DEUP1: variants seen among roughly 807,000 people sequenced by gnomAD.
DEUP1 encodes deuterosome assembly protein 1, also known as coiled-coil domain containing 67.
A neutral mutation model predicts 87.4 loss-of-function variants in DEUP1; 82 were observed. The ratio of observed to expected loss-of-function variants is 0.94; its 90% confidence interval spans 0.78 to 1.13. DEUP1 has a LOEUF of 1.13. DEUP1 is among the 50% of genes most tolerant of loss of function. The pLI is 0.00. For synonymous variants in DEUP1, 214 were observed against 222.7 expected (o/e 0.96, Z 0.35); for missense variants, 663 against 681.5 (o/e 0.97, Z 0.30).
chr11:93,376,220 A>G (rs1020387595), intron 7 of DEUP1, among the ~76,000 whole-genome samples: 2 of 152,172 alleles, frequency 1.3e-5, no homozygotes, highest in African/African-American at 4.8e-5. Context: ...CTGGCATTAC[A>G]GGCATGAGCC....
intron 6 of DEUP1, 114 bp downstream of exon 6, chr11:93,370,300 G>T: frequency 1.7e-6 from 1 of 579,470 alleles, no homozygotes; most frequent in Non-Finnish European, 3.0e-6. Flanking sequence ...AAAAACGAGA[G>T]TAGGTCCAAA....
At chr11:93,389,928 A>G (rs1235890953) in intron 9 of DEUP1, among the ~76,000 whole-genome samples, 1 of 152,260 alleles carries the variant, frequency 6.6e-6, no homozygotes, top group Non-Finnish European at 1.5e-5. Context: ...TGCTGGAGCT[A>G]GAAATACAAG....
chr11:93,348,368 CT>C (rs1443830596), intron 2 of DEUP1, among the ~76,000 whole-genome samples: 2 of 151,902 alleles, frequency 1.3e-5, no homozygotes, highest in Non-Finnish European at 2.9e-5. Flanking sequence ...TATTTCTTGT[CT>C]TCTGCTAGCT....
chr11:93,421,127 C>T (rs1486952625), intron 13 of DEUP1, among the ~76,000 whole-genome samples: 2 of 30,598 alleles, frequency 6.5e-5, no homozygotes, highest in Non-Finnish European at 5.8e-5. Context: ...AGTGTGTGTG[C>T]GCACCGTGCG....
At chr11:93,355,321 C>G (rs773985601) in intron 2 of DEUP1, 50 bp from the exon 3 acceptor site, 1 of 1,534,748 alleles carries the variant, frequency 6.5e-7, no homozygotes, top group Admixed American at 2.0e-5. Flanking sequence ...TTTTTTTTGC[C>G]CTCACATTTC....
chr11:93,374,423 A>C lies in DEUP1; in HGVS notation c.789+3143A>C, dbSNP rs186793403. 4.7e-3 allele frequency among the ~76,000 whole-genome samples: 710 copies of C among 152,318 alleles called. 3 individuals are homozygous for C. The highest frequency in any genetic ancestry group is 0.016 in the African/African-American group (679 of 41,584). ...CTTTATGGTTTCAGGTCTTAGATTT[A>C]AGTCTTTGATCCATCTTTAGTTGAT... On this transcript the variant is annotated intron_variant, in intron 7 of 13. Coordinates refer to ENST00000298050, the MANE Select transcript of DEUP1 (RefSeq NM_181645.4).
At chr11:93,343,831 A>G (rs967934552) in intron 2 of DEUP1, among the ~76,000 whole-genome samples, 5 of 152,204 alleles carry the variant, frequency 3.3e-5, no homozygotes, top group Admixed American at 2.0e-4. Context: ...CTTTATAAGT[A>G]CATTTAAGCA....
At chr11:93,432,031 G>A (rs896258030) in intron 13 of DEUP1, among the ~76,000 whole-genome samples, 1 of 152,124 alleles carries the variant, frequency 6.6e-6, no homozygotes, top group Admixed American at 6.6e-5. Flanking sequence ...GATCAAAGCT[G>A]GAAATACAAA....
At chr11:93,350,292 C>T (rs1026155934) in intron 2 of DEUP1, among the ~76,000 whole-genome samples, 1 of 152,138 alleles carries the variant, frequency 6.6e-6, no homozygotes, top group Non-Finnish European at 1.5e-5. Context: ...CTGTATTTGA[C>T]ACACTGATGA....
intron 11 of DEUP1, among the ~76,000 whole-genome samples, chr11:93,400,257 C>T (rs1947072904): frequency 6.6e-6 from 1 of 152,104 alleles, no homozygotes; most frequent in Non-Finnish European, 1.5e-5. Flanking sequence ...GCTTGAAGTC[C>T]AAATTCAAGG....
chr11:93,370,046 T>C (rs767193279), intron 5 of DEUP1, 27 bp from the exon 6 acceptor site: 1 of 1,152,224 alleles, frequency 8.7e-7, no homozygotes, highest in Admixed American at 1.9e-5. Flanking sequence ...CATTTTTAAA[T>C]ATGTTTGTCT....
At chr11:93,337,747 G>C (rs1360077348) in intron 2 of DEUP1, among the ~76,000 whole-genome samples, 1 of 152,224 alleles carries the variant, frequency 6.6e-6, no homozygotes, top group South Asian at 2.1e-4. Context: ...GAAGGAGAGA[G>C]AGGGAGGAAG....
chr11:93,419,373 T>A (rs1046404990), intron 13 of DEUP1, among the ~76,000 whole-genome samples: 2 of 152,168 alleles, frequency 1.3e-5, no homozygotes, highest in Non-Finnish European at 2.9e-5. Flanking sequence ...CTTTGTATGA[T>A]AGCATCAAGG....
At chr11:93,343,035 C>G (rs2134169469) in intron 2 of DEUP1, among the ~76,000 whole-genome samples, 1 of 152,280 alleles carries the variant, frequency 6.6e-6, no homozygotes, top group South Asian at 2.1e-4. Flanking sequence ...ATCCTCTGGA[C>G]ATGTCAGTGT....
intron 11 of DEUP1, among the ~76,000 whole-genome samples, chr11:93,398,071 G>T (rs1350442301): frequency 6.6e-6 from 1 of 151,604 alleles, no homozygotes; most frequent in Non-Finnish European, 1.5e-5. Flanking sequence ...TAACTACTTG[G>T]TATGTATTAT....
intron 2 of DEUP1, among the ~76,000 whole-genome samples, chr11:93,335,374 G>A (rs2134879518): frequency 6.6e-6 from 1 of 152,254 alleles, no homozygotes; most frequent in Non-Finnish European, 1.5e-5. Flanking sequence ...TCTTTTGGTT[G>A]AGTAAAAAGG....
At position 93,385,303 on chromosome 11, in the gene DEUP1, A is replaced by T. The variant is rs1946487491; in HGVS notation, c.790-95A>T. The T allele has an allele frequency of 3.5e-6, 4 of 1,157,044 alleles. No individual in the cohort carries two copies. In the Admixed American group the frequency reaches 9.6e-5, roughly 28 times the overall value. The allele number at this position is 1,157,044 out of a possible 1,614,324, so 71.7% of individuals were successfully genotyped here. A position where few individuals can be genotyped will look rare whatever the true frequency, so the allele number is the denominator to read the frequency against. ...AAGGACTAAATATCAGTTTGTTTAA[A>T]ATTAGGCTGGTTTATAGATGTTAAA... On this transcript the variant is annotated intron_variant, in intron 7 of 13. Transcript: ENST00000298050.
chr11:93,376,595 AT>A (rs1020859915), intron 7 of DEUP1, among the ~76,000 whole-genome samples: 23 of 151,172 alleles, frequency 1.5e-4, no homozygotes, highest in African/African-American at 5.1e-4. Context: ...TATCTGTTGA[AT>A]TTTTTTTGTT....
chr11:93,363,051 T>G (rs1364712968), intron 4 of DEUP1, among the ~76,000 whole-genome samples: 1 of 151,886 alleles, frequency 6.6e-6, no homozygotes, highest in Non-Finnish European at 1.5e-5. Context: ...ATTTATACCA[T>G]GGAATACTAT....
Sources: gnomAD v4.1 joint callset for allele counts (sites outside exome capture counted in the v4.1 genomes callset) on GRCh38, gnomAD v4.1.1 for gene constraint, MANE v1.5 for transcripts, NCBI Gene and HGNC (gene_info 2026-07-23, HGNC 2026-07-21) for gene names.